The following NKAIN2 variants were observed in gnomAD, a reference collection of about 807,000 sequenced individuals.
NKAIN2 encodes sodium/potassium-transporting ATPase subunit beta-1-interacting protein 2.
In NKAIN2, 14 loss-of-function variants were observed where a neutral mutation model predicts 32.6. That is an observed-to-expected ratio of 0.43 (90% CI 0.28 to 0.67). NKAIN2 has a LOEUF of 0.67. Ranked by LOEUF, NKAIN2 falls within the 30% of genes least tolerant of loss-of-function variation. The pLI is 0.17. For missense variants in NKAIN2, 198 were observed against 258.3 expected (o/e 0.77, Z 1.60); for synonymous variants, 80 against 87.2 (o/e 0.92, Z 0.46).
At chr6:124,364,356 A>T (rs1049083469) in intron 3 of NKAIN2, among the ~76,000 whole-genome samples, 1 of 152,030 alleles carries the variant, frequency 6.6e-6, no homozygotes, top group Non-Finnish European at 1.5e-5. Flanking sequence ...GCAATATCTG[A>T]AGTGAAGATG....
At chr6:124,667,130 T>G (rs1772839122) in intron 4 of NKAIN2, among the ~76,000 whole-genome samples, 2 of 152,156 alleles carry the variant, frequency 1.3e-5, no homozygotes, top group African/African-American at 2.4e-5. Flanking sequence ...GCAGCAAATT[T>G]TATCCCATAT....
At chr6:124,604,576 TTCC>T (rs1394048978) in intron 3 of NKAIN2, among the ~76,000 whole-genome samples, 4 of 151,784 alleles carry the variant, frequency 2.6e-5, no homozygotes, top group Admixed American at 1.3e-4. Flanking sequence ...TTGATAATTC[TTCC>T]TCATTATCTC....
At chr6:124,570,109 T>G (rs576095511) in intron 3 of NKAIN2, among the ~76,000 whole-genome samples, 8 of 152,200 alleles carry the variant, frequency 5.3e-5, no homozygotes, top group Non-Finnish European at 8.8e-5. Flanking sequence ...TGTGGAACTT[T>G]GAACATGAGA....
At chr6:124,493,294 T>C (rs1314307652) in intron 3 of NKAIN2, among the ~76,000 whole-genome samples, 1 of 151,986 alleles carries the variant, frequency 6.6e-6, no homozygotes, top group Non-Finnish European at 1.5e-5. Context: ...GTCAGTGAAA[T>C]TGACAACTTT....
intron 3 of NKAIN2, among the ~76,000 whole-genome samples, chr6:124,381,801 A>T (rs77287897): frequency 0.012 from 1,857 of 152,310 alleles, 34 homozygotes; most frequent in African/African-American, 0.042. Flanking sequence ...CTGATCAGGA[A>T]TCACAATTTG....
At chr6:124,042,188 C>T (rs561041213) in intron 1 of NKAIN2, among the ~76,000 whole-genome samples, 1 of 152,104 alleles carries the variant, frequency 6.6e-6, no homozygotes, top group East Asian at 1.9e-4. Flanking sequence ...TGAAACTCCA[C>T]CTGCCCCTCA....
At chr6:124,773,003 A>G (rs1778829890) in intron 4 of NKAIN2, among the ~76,000 whole-genome samples, 1 of 33,940 alleles carries the variant, frequency 2.9e-5, no homozygotes, top group Admixed American at 4.2e-4. Flanking sequence ...TGAAATTCAT[A>G]AGTAGGTGGG....
At chr6:124,452,989 T>C (rs1265246366) in intron 3 of NKAIN2, among the ~76,000 whole-genome samples, 1 of 152,050 alleles carries the variant, frequency 6.6e-6, no homozygotes, top group African/African-American at 2.4e-5. Context: ...ATAAAGCACA[T>C]AGTTTATCAC....
chr6:124,045,780 C>T (rs1782093273), intron 1 of NKAIN2, among the ~76,000 whole-genome samples: 1 of 151,944 alleles, frequency 6.6e-6, no homozygotes, highest in Non-Finnish European at 1.5e-5. Context: ...TAAAAGGTTA[C>T]TAACAGTAAT....
intron 1 of NKAIN2, among the ~76,000 whole-genome samples, chr6:124,051,227 C>T (rs1455018451): frequency 6.6e-6 from 1 of 151,944 alleles, no homozygotes; most frequent in Non-Finnish European, 1.5e-5. Context: ...TCTCTGCATG[C>T]ATTAGGATTA....
chr6:123,926,490 G>A (rs544708122), intron 1 of NKAIN2, among the ~76,000 whole-genome samples: 40 of 151,772 alleles, frequency 2.6e-4, no homozygotes, highest in Middle Eastern at 6.8e-3. Context: ...GTGTTCCCCA[G>A]ATTCCTACTG....
intron 1 of NKAIN2, among the ~76,000 whole-genome samples, chr6:123,993,098 C>T (rs940683546): frequency 3.9e-5 from 6 of 152,100 alleles, no homozygotes; most frequent in Non-Finnish European, 8.8e-5. Context: ...ATATAACAAC[C>T]TTAGCATACT....
intron 3 of NKAIN2, among the ~76,000 whole-genome samples, chr6:124,444,850 T>A (rs1358809001): frequency 6.6e-6 from 1 of 151,988 alleles, no homozygotes; most frequent in Non-Finnish European, 1.5e-5. Flanking sequence ...TTTAAGAAAT[T>A]TCTTATTAGG....
At chr6:124,458,934 G>A (rs771359685) in intron 3 of NKAIN2, among the ~76,000 whole-genome samples, 19 of 151,866 alleles carry the variant, frequency 1.3e-4, no homozygotes, top group Non-Finnish European at 2.2e-4. Context: ...TGTAGGAACT[G>A]AGAGAGTTTC....
At chr6:123,975,652 G>A (rs1778530898) in intron 1 of NKAIN2, among the ~76,000 whole-genome samples, 1 of 152,112 alleles carries the variant, frequency 6.6e-6, no homozygotes, top group African/African-American at 2.4e-5. Context: ...AGTGTCTGGT[G>A]AGGGCCAACT....
At chr6:123,856,770 G>A (rs1226826882) in intron 1 of NKAIN2, among the ~76,000 whole-genome samples, 4 of 152,184 alleles carry the variant, frequency 2.6e-5, no homozygotes, top group African/African-American at 7.2e-5. Flanking sequence ...GGTGGAGCCG[G>A]CCTCTCTACT....
chr6:124,738,467 G>A (rs1029173487), intron 4 of NKAIN2, among the ~76,000 whole-genome samples: 4 of 151,742 alleles, frequency 2.6e-5, no homozygotes, highest in South Asian at 2.1e-4. Flanking sequence ...GCTTGAAAAC[G>A]CAATGTTGTA....
intron 1 of NKAIN2, among the ~76,000 whole-genome samples, chr6:123,826,559 G>C (rs1774156420): frequency 6.6e-6 from 1 of 151,968 alleles, no homozygotes; most frequent in Non-Finnish European, 1.5e-5. Context: ...TTCTGCTTCT[G>C]TCTCTGTGAA....
chr6:123,921,465 A>G (rs1243751685), intron 1 of NKAIN2, among the ~76,000 whole-genome samples: 1 of 152,154 alleles, frequency 6.6e-6, no homozygotes, highest in Non-Finnish European at 1.5e-5. Flanking sequence ...CCTATAACGT[A>G]TTAGGCATTG....
Sources: gnomAD v4.1 joint callset for allele counts (sites outside exome capture counted in the v4.1 genomes callset) on GRCh38, gnomAD v4.1.1 for gene constraint, MANE v1.5 for transcripts, NCBI Gene and HGNC (gene_info 2026-07-23, HGNC 2026-07-21) for gene names.